The following IGSF10 variants were observed in gnomAD, a reference collection of about 807,000 sequenced individuals.
IGSF10 encodes the protein immunoglobulin superfamily member 10.
Under a neutral mutation model 128.2 loss-of-function variants are expected in IGSF10, and 126 were observed. The ratio of observed to expected loss-of-function variants is 0.98; its 90% CI spans 0.85 to 1.14. The LOEUF (loss-of-function observed/expected upper bound fraction) is 1.14, where lower values mean the gene tolerates loss of function less well. Ranked by LOEUF, IGSF10 falls within the 50% of genes most tolerant of loss-of-function variation. The probability of loss-of-function intolerance (pLI) is 0.00; values close to 1 mark genes in which losing one functional copy is unlikely to be tolerated. For missense variants in IGSF10, 3,295 were observed against 3,149.8 expected, an observed-to-expected ratio of 1.05 and a Z score of -1.10; for synonymous variants, 1,185 against 1,146.2, an observed-to-expected ratio of 1.03 and a Z score of -0.68.
chr3:151,435,904 A>C (rs1720120310), downstream of IGSF10: 1 of 152,186 alleles, frequency 6.6e-6, no homozygotes, highest in Non-Finnish European at 1.5e-5. Flanking sequence ...TTATAGAGCA[A>C]CGATTCCTGC....
At chr3:151,455,952 C>G (rs1721771454) in intron 4 of IGSF10, among the ~76,000 whole-genome samples, 1 of 152,186 alleles carries the variant, frequency 6.6e-6, no homozygotes, top group Non-Finnish European at 1.5e-5. Context: ...GAATGCTTCT[C>G]TAGAATGCCA....
chr3:151,433,578 G>A (rs182862242), downstream of IGSF10: 2 of 152,478 alleles, frequency 1.3e-5, no homozygotes, highest in East Asian at 3.9e-4. Flanking sequence ...GGTACAACAT[G>A]TAAATCCTAA....
chr3:151,495,933 A>G, the IGSF10 span, among the ~76,000 whole-genome samples: 1 of 152,068 alleles, frequency 6.6e-6, no homozygotes, highest in Non-Finnish European at 1.5e-5. Flanking sequence ...TTGTATTGAG[A>G]TTTGCTGGAT....
At chr3:151,608,924 G>C in the IGSF10 span, among the ~76,000 whole-genome samples, 2 of 152,206 alleles carry the variant, frequency 1.3e-5, no homozygotes, top group Non-Finnish European at 2.9e-5. Context: ...ACCACCTGTA[G>C]AGGGTTTTGT....
chr3:151,437,218 T>C lies in IGSF10; in HGVS notation c.7343A>G (p.Glu2448Gly). 1 of 1,614,170 alleles carries C rather than the reference T, an allele frequency of 6.2e-7. No individual in the cohort carries two copies. Among genetic ancestry groups the C allele is most frequent in the Non-Finnish European group, 8.5e-7 (1 of 1,180,008 alleles). ...AGACACACAATGCAGTGATAGAGAT[T>C]CTCCACTGATGCCTTTTACTGTCCC... Reference protein sequence around the residue: ...APGTVKGISGESLSLHCVSDG... With the variant: ...APGTVKGISGGSLSLHCVSDG... Residue 2448 changes from glutamate (E) to glycine (G), a missense_variant, in exon 8 of 8, where the codon GAA becomes GGA. Physicochemically the swap from Glu to Gly is moderately conservative, Grantham distance 98. Transcript: ENST00000282466.
the IGSF10 span, among the ~76,000 whole-genome samples, chr3:151,531,339 T>C: frequency 2.0e-5 from 3 of 152,186 alleles, no homozygotes; most frequent in African/African-American, 7.2e-5. Flanking sequence ...GCAGACCTAA[T>C]AGACATCTAC....
chr3:151,581,588 A>G, the IGSF10 span, among the ~76,000 whole-genome samples: 1 of 152,216 alleles, frequency 6.6e-6, no homozygotes. Flanking sequence ...TAATGGGTCC[A>G]AAGTTTGCAC....
chr3:151,575,167 G>T, the IGSF10 span, among the ~76,000 whole-genome samples: 12 of 152,180 alleles, frequency 7.9e-5, no homozygotes, highest in Non-Finnish European at 1.6e-4. Flanking sequence ...CTACTGGAAG[G>T]TGTCTCCCAG....
At chr3:151,462,108 A>T (rs764264323), upstream of IGSF10, among the ~76,000 whole-genome samples, 1 of 152,108 alleles carries the variant, frequency 6.6e-6, no homozygotes, top group African/African-American at 2.4e-5. Context: ...CCCACATGTA[A>T]TATCTCCTGC....
At chr3:151,473,107 A>C in the IGSF10 span, among the ~76,000 whole-genome samples, 1 of 152,160 alleles carries the variant, frequency 6.6e-6, no homozygotes, top group Non-Finnish European at 1.5e-5. Flanking sequence ...ACCATCATGA[A>C]AGCCTTATGT....
chr3:151,447,377 T>C lies in IGSF10; in HGVS notation c.2604A>G (p.Thr868=). 2 of 1,614,198 alleles carry C rather than the reference T, an allele frequency of 1.2e-6. No individual in the cohort carries two copies. The highest frequency in any genetic ancestry group is 1.7e-6 in the Non-Finnish European group (2 of 1,179,996). Residue 868 remains threonine (T), a synonymous_variant, in exon 6 of 8, where the codon ACA becomes ACG. Coordinates refer to ENST00000282466, the MANE Select transcript of IGSF10 (RefSeq NM_178822.5). The stretch of plus-strand genomic sequence containing the variant: ...TTGGGTTTATATTCTTTGACATGGC[T>C]GTAGTTTTAATAGCAGTAGACAGTT... The part of the protein sequence containing the change: ...DFKLSTAIKT[T]AMSKNINPTM...
the IGSF10 span, among the ~76,000 whole-genome samples, chr3:151,506,433 G>A: frequency 6.6e-6 from 1 of 152,104 alleles, no homozygotes; most frequent in Non-Finnish European, 1.5e-5. Flanking sequence ...GATTTTAATT[G>A]GCTATTTTGA....
At chr3:151,458,480 CCT>C in intron 3 of IGSF10, 34 bp downstream of exon 3, 4 of 1,507,886 alleles carry the variant, frequency 2.7e-6, no homozygotes, top group South Asian at 2.5e-5. Context: ...GCGACTGATC[CCT>C]CTTTGAGAAG....
the IGSF10 span, among the ~76,000 whole-genome samples, chr3:151,524,208 G>A: frequency 5.3e-5 from 8 of 152,124 alleles, no homozygotes; most frequent in South Asian, 1.4e-3. Context: ...AGTCATTGTG[G>A]AAAGAAGCAT....
At chr3:151,605,987 A>G in the IGSF10 span, among the ~76,000 whole-genome samples, 1 of 152,148 alleles carries the variant, frequency 6.6e-6, no homozygotes, top group Non-Finnish European at 1.5e-5. Context: ...TTCCCAGGTG[A>G]TAGTGATGCT....
At chr3:151,570,305 G>T in the IGSF10 span, among the ~76,000 whole-genome samples, 1 of 152,124 alleles carries the variant, frequency 6.6e-6, no homozygotes, top group African/African-American at 2.4e-5. Flanking sequence ...CTGAGGAATC[G>T]CCACACTGTC....
intron 3 of IGSF10, 25 bp from the exon 4 acceptor site, chr3:151,457,180 G>A (rs1381419498): frequency 6.2e-7 from 1 of 1,611,310 alleles, no homozygotes; most frequent in Non-Finnish European, 8.5e-7. Flanking sequence ...GACATTCTAG[G>A]CATAAGCTAA....
At chr3:151,617,143 T>C in the IGSF10 span, among the ~76,000 whole-genome samples, 1 of 152,002 alleles carries the variant, frequency 6.6e-6, no homozygotes. Flanking sequence ...CTCCTCTTCT[T>C]CTTCTCCCCC....
chr3:151,578,976 A>G, the IGSF10 span, among the ~76,000 whole-genome samples: 1 of 152,196 alleles, frequency 6.6e-6, no homozygotes, highest in Non-Finnish European at 1.5e-5. Context: ...CTAGCACTGA[A>G]TAAGTTGTGT....
Sources: gnomAD v4.1 joint callset for allele counts (sites outside exome capture counted in the v4.1 genomes callset) on GRCh38, gnomAD v4.1.1 for gene constraint, MANE v1.5 for transcripts, NCBI Gene and HGNC (gene_info 2026-07-23, HGNC 2026-07-21) for gene names.